The following CALN1 variants were observed in gnomAD, a reference collection of about 807,000 sequenced individuals.
CALN1 encodes the protein calcium-binding protein 8.
In CALN1, 17 loss-of-function variants were observed where a neutral mutation model predicts 30.6. The observed-to-expected ratio is 0.56, with a 90% CI of 0.38 to 0.83. The LOEUF (loss-of-function observed/expected upper bound fraction) is 0.83. Among genes scored for constraint, CALN1 ranks in the 40% least tolerant of loss-of-function variants. CALN1 has a pLI of 0.00. For synonymous variants in CALN1, 156 were observed against 131.4 expected (o/e 1.19, Z -1.28); for missense variants, 291 against 354.9 (o/e 0.82, Z 1.45).
intron 5 of CALN1, among the ~76,000 whole-genome samples, chr7:71,976,484 A>C (rs994968833): frequency 2.0e-5 from 3 of 151,926 alleles, no homozygotes; most frequent in African/African-American, 7.3e-5. Flanking sequence ...GCCTCTACAG[A>C]CTCTTGCACG....
intron 4 of CALN1, among the ~76,000 whole-genome samples, chr7:72,104,644 G>C (rs1806948054): frequency 6.6e-6 from 1 of 152,094 alleles, no homozygotes. Flanking sequence ...AAAAAGCACA[G>C]GTATCTTGGA....
intron 4 of CALN1, among the ~76,000 whole-genome samples, chr7:72,102,035 A>C (rs1806705941): frequency 6.6e-6 from 1 of 152,124 alleles, no homozygotes; most frequent in Admixed American, 6.5e-5. Flanking sequence ...TTCAAAGCTT[A>C]TTTTATTTTT....
Position 72,122,262 on chromosome 7 carries a change from A to G in CALN1, c.245-15968T>C, listed in dbSNP as rs859999. 9.6e-3 allele frequency among the ~76,000 whole-genome samples: 1,456 copies of G among 152,296 alleles called. 22 individuals are homozygous for G. The highest frequency in any genetic ancestry group is 0.033 in the African/African-American group (1,380 of 41,550). On this transcript the variant is annotated intron_variant, in intron 3 of 6. Coordinates refer to ENST00000395275, the MANE Select transcript of CALN1 (RefSeq NM_031468.4). ...GCAAACGTTAATATACGGAGATTAGAGACTCCTTGGCATCTGAGGAAACAA... is the reference window on the plus strand; with the variant it reads ...GCAAACGTTAATATACGGAGATTAGGGACTCCTTGGCATCTGAGGAAACAA...
intron 3 of CALN1, among the ~76,000 whole-genome samples, chr7:72,167,164 A>AGT (rs1377052277): frequency 4.6e-5 from 7 of 152,220 alleles, no homozygotes; most frequent in African/African-American, 1.7e-4. Context: ...TAAGTAATTT[A>AGT]CATGCATTGT....
intron 2 of CALN1, among the ~76,000 whole-genome samples, chr7:72,305,932 C>G (rs569092558): frequency 6.6e-6 from 1 of 152,240 alleles, no homozygotes; most frequent in South Asian, 2.1e-4. Context: ...GGTATCTCTA[C>G]TTATAAGGGC....
At chr7:72,199,386 T>A (rs1585145835) in intron 3 of CALN1, among the ~76,000 whole-genome samples, 1 of 152,130 alleles carries the variant, frequency 6.6e-6, no homozygotes, top group Admixed American at 6.5e-5. Context: ...TCTCCAAAAC[T>A]AAGCCAATGG....
chr7:72,270,167 A>G (rs2129553388), intron 3 of CALN1, among the ~76,000 whole-genome samples: 1 of 152,040 alleles, frequency 6.6e-6, no homozygotes, highest in Non-Finnish European at 1.5e-5. Context: ...GAAAAATGTT[A>G]AAAAGTAAGC....
chr7:72,371,475 T>A (rs993066841), intron 2 of CALN1, among the ~76,000 whole-genome samples: 4 of 152,128 alleles, frequency 2.6e-5, no homozygotes, highest in Admixed American at 6.6e-5. Flanking sequence ...ATAAAAGGAT[T>A]TTCCCCCTTT....
intron 5 of CALN1, among the ~76,000 whole-genome samples, chr7:72,017,448 C>G (rs528076438): frequency 3.3e-5 from 5 of 152,118 alleles, no homozygotes; most frequent in Non-Finnish European, 7.3e-5. Context: ...AATTGGGGAA[C>G]GAGTACCCTA....
intron 1 of CALN1, among the ~76,000 whole-genome samples, chr7:72,431,022 C>T (rs949911130): frequency 2.7e-5 from 4 of 150,320 alleles, no homozygotes; most frequent in East Asian, 3.9e-4. Context: ...CTCCGCCTCC[C>T]GGGTTCAAGC....
chr7:71,965,403 T>G (rs1797482227), intron 5 of CALN1, among the ~76,000 whole-genome samples: 1 of 152,202 alleles, frequency 6.6e-6, no homozygotes, highest in Admixed American at 6.5e-5. Context: ...CAATCTTTAG[T>G]GTGAGTCCTA....
At chr7:72,395,653 G>T (rs1302827129) in intron 2 of CALN1, among the ~76,000 whole-genome samples, 1 of 152,282 alleles carries the variant, frequency 6.6e-6, no homozygotes, top group Non-Finnish European at 1.5e-5. Context: ...AAGTCAGATT[G>T]CCAAGAGGTG....
intron 2 of CALN1, among the ~76,000 whole-genome samples, chr7:72,348,577 G>A (rs568207556): frequency 1.3e-5 from 2 of 152,326 alleles, no homozygotes; most frequent in South Asian, 2.1e-4. Flanking sequence ...ACAGTTAGTG[G>A]AGAGTTGTTA....
At chr7:72,300,591 G>C (rs1009639992) in intron 2 of CALN1, among the ~76,000 whole-genome samples, 1 of 152,088 alleles carries the variant, frequency 6.6e-6, no homozygotes, top group Admixed American at 6.6e-5. Flanking sequence ...TGAGAAAAAC[G>C]AACACACTTC....
rs1047187128 is a variant in CALN1 at position 72,070,765 on chromosome 7, G to A, written c.388+35386C>T. The stretch of plus-strand genomic sequence containing the variant: ...AGATTTTAATCTCGTCCCCCTGTTA[G>A]ACTTTGCCACTTCAGTCTGAAGGGA... On this transcript the variant is annotated intron_variant, in intron 4 of 6. Transcript: ENST00000395275. Among the ~76,000 whole-genome samples, 3 of 152,148 alleles carry A rather than the reference G, an allele frequency of 2.0e-5. No individual in the cohort carries two copies. In the East Asian group the frequency reaches 5.8e-4, roughly 29 times the overall value.
At position 72,300,999 on chromosome 7, in the gene CALN1, A is replaced by G. The variant is rs1799221050; in HGVS notation, c.120-22189T>C. On this transcript the variant is annotated intron_variant, in intron 2 of 6. Transcript: ENST00000395275. The stretch of plus-strand genomic sequence containing the variant: ...ACAGAGTGAGACTCTGTCTCAAATA[A>G]ATAAATAAAAATGTAAATAAGCACA... 2.0e-5 allele frequency among the ~76,000 whole-genome samples: 3 copies of G among 152,286 alleles called. No individual in the cohort carries two copies. In the South Asian group the frequency reaches 6.2e-4, roughly 32 times the overall value.
intron 2 of CALN1, among the ~76,000 whole-genome samples, chr7:72,357,028 A>T (rs1803276163): frequency 6.6e-6 from 1 of 152,004 alleles, no homozygotes; most frequent in Non-Finnish European, 1.5e-5. Flanking sequence ...GACGGTGTTA[A>T]CTGGACATTT....
At position 72,174,926 on chromosome 7, in the gene CALN1, AT is replaced by A. The variant is rs33979752; in HGVS notation, c.245-68633del. ...TGTAAACTATACCTCAATATAATCA[AT>A]TTTTTTTTTTTTTGAGACGGAGTCT... is the stretch of plus-strand genomic sequence containing the variant. On this transcript the variant is annotated intron_variant, in intron 3 of 6. Coordinates refer to ENST00000395275, the MANE Select transcript of CALN1 (RefSeq NM_031468.4). Among the ~76,000 whole-genome samples, 153 of 137,760 alleles carry A rather than the reference AT, an allele frequency of 1.1e-3. 1 individual carries two copies. Among genetic ancestry groups the A allele is most frequent in the South Asian group, 4.7e-3 (20 of 4,296 alleles). The allele number at this position is 137,760 out of a possible 152,430, so 90.4% of individuals were successfully genotyped here.
chr7:72,096,025 C>T (rs369135899), intron 4 of CALN1, among the ~76,000 whole-genome samples: 131 of 149,552 alleles, frequency 8.8e-4, no homozygotes, highest in African/African-American at 3.1e-3. Flanking sequence ...GGCAACAGAG[C>T]GAGACCTTGT....
Sources: allele counts gnomAD v4.1 joint callset (sites outside exome capture counted in the v4.1 genomes callset), GRCh38; gene constraint gnomAD v4.1.1; transcripts MANE v1.5; gene names NCBI Gene and HGNC (gene_info 2026-07-23, HGNC 2026-07-21).